The following CRYBG2 variants were observed in gnomAD, a reference collection of about 807,000 sequenced individuals.
The protein encoded by CRYBG2 is crystallin beta-gamma domain containing 2, also known as beta/gamma crystallin domain-containing protein 2.
Under a neutral mutation model 153.4 loss-of-function variants are expected in CRYBG2, and 106 were observed. That is an observed-to-expected ratio of 0.69 (90% CI 0.59 to 0.81). CRYBG2 has a LOEUF of 0.81. CRYBG2 is among the 30% of genes least tolerant of loss of function. CRYBG2 has a pLI of 0.00. For missense variants in CRYBG2, 1,996 were observed against 2,112.0 expected, an observed-to-expected ratio of 0.95 and a Z score of 1.08; for synonymous variants, 851 against 877.8, an observed-to-expected ratio of 0.97 and a Z score of 0.54.
chr1:26,328,371 A>G, intron 16 of CRYBG2, 39 bp from the exon 17 acceptor site: 1 of 1,551,954 alleles, frequency 6.4e-7, no homozygotes, highest in South Asian at 1.2e-5. Context: ...AGAAGAGCAC[A>G]GACACACAGA....
intron 1 of CRYBG2, among the ~76,000 whole-genome samples, chr1:26,353,787 C>T (rs2074309778): frequency 6.6e-6 from 1 of 152,128 alleles, no homozygotes; most frequent in Non-Finnish European, 1.5e-5. Flanking sequence ...CCCTTCCTGC[C>T]CATCCTCTCC....
chr1:26,350,856 G>A (rs571995928), intron 1 of CRYBG2, among the ~76,000 whole-genome samples: 3 of 152,184 alleles, frequency 2.0e-5, no homozygotes, highest in Admixed American at 2.0e-4. Context: ...ACTCTGGGCA[G>A]GAAATGGACC....
chr1:26,336,763 G>T lies in CRYBG2; in HGVS notation c.3912-31C>A, dbSNP rs1352192930. 10 of 1,573,410 alleles carry T rather than the reference G, an allele frequency of 6.4e-6. No individual in the cohort carries two copies. The Admixed American group carries it at 1.8e-4, about 29-fold the overall frequency. ...GGAAGGGCGGGGCGCGAGTCAGCTGGGACGGAGCCTGCACCTCTCCTGGAA... is the reference window on the plus strand; with the variant it reads ...GGAAGGGCGGGGCGCGAGTCAGCTGTGACGGAGCCTGCACCTCTCCTGGAA... On this transcript the variant is annotated intron_variant, in intron 11 of 19. Transcript: ENST00000308182. This position sits in a 1 kb window ranked among gnomAD's most constrained non-coding sequence, Gnocchi z 4.9.
intron 6 of CRYBG2, 72 bp downstream of exon 6, chr1:26,339,218 G>C (rs1416611586): frequency 1.9e-6 from 3 of 1,542,220 alleles, no homozygotes; most frequent in Admixed American, 1.9e-5. Flanking sequence ...ACTGTGTTCT[G>C]TCACCTCTGT....
Position 26,345,873 on chromosome 1 carries a change from C to T in CRYBG2, c.785G>A (p.Arg262Lys), listed in dbSNP as rs6678347. The T allele has an allele frequency of 1.9e-3, 3,074 of 1,597,002 alleles. 48 individuals are homozygous for T. The African/African-American group carries it at 0.033, about 17-fold the overall frequency. ...HLPRPTAGGP[R>K]STGLGSTVGA... The stretch of plus-strand genomic sequence containing the variant: ...CACTGTGCTGCCCAGACCTGTGCTC[C>T]TTGGCCCGCCAGCCGTGGGCCTGGG... Residue 262 changes from arginine to lysine, a missense_variant, in exon 2 of 20, where the codon AGG becomes AAG. Coordinates refer to ENST00000308182, the MANE Select transcript of CRYBG2 (RefSeq NM_001039775.4).
At chr1:26,329,776 C>T (rs1286171591) in intron 15 of CRYBG2, among the ~76,000 whole-genome samples, 3 of 152,042 alleles carry the variant, frequency 2.0e-5, no homozygotes, top group African/African-American at 7.2e-5. Flanking sequence ...GATGGAGTCT[C>T]ACTCTGTCAC....
rs2074100679 is a variant in CRYBG2 at position 26,339,349 on chromosome 1, C to A, written c.3285G>T (p.Lys1095Asn). Reference sequence around the variant, plus strand: ...GGGGCTTCTCCAGACCCTGGGAATTCTTCAAGGCCTCTGTTAGCTTCACTT... The same window carrying A: ...GGGGCTTCTCCAGACCCTGGGAATTATTCAAGGCCTCTGTTAGCTTCACTT... Reference protein sequence around the residue: ...GEQVKLTEALKNSQGLEKPLQ... With the variant: ...GEQVKLTEALNNSQGLEKPLQ... Residue 1095 changes from lysine to asparagine, a missense_variant, in exon 6 of 20, where the codon AAG becomes AAT. Coordinates refer to ENST00000308182, the MANE Select transcript of CRYBG2 (RefSeq NM_001039775.4). 1 of 1,614,116 alleles carries A rather than the reference C, an allele frequency of 6.2e-7. No homozygotes were observed. Among genetic ancestry groups the A allele is most frequent in the Non-Finnish European group, 8.5e-7 (1 of 1,180,048 alleles).
In CRYBG2 at chr1:26,343,265, A is replaced by G. The variant is rs2124711301; in HGVS notation, c.2942T>C (p.Leu981Pro). 1.3e-6 allele frequency: 2 copies of G among 1,548,412 alleles called. No homozygotes were observed. The highest frequency in any genetic ancestry group is 2.4e-5 in the South Asian group (2 of 84,010). Reference sequence around the variant, plus strand: ...CCCTACCTTTCCAGGCCTGGTGTTCAGCTTGCCCTGGGTCTTTAAGGCTGG... The same window carrying G: ...CCCTACCTTTCCAGGCCTGGTGTTCGGCTTGCCCTGGGTCTTTAAGGCTGG... ...WSPALKTQGK[L>P]NTRPGKVIFF... The change falls in exon 3 of 20, where the codon CTG becomes CCG. Residue 981 changes from leucine (L) to proline (P), a missense_variant. By Grantham distance (98) the Leu-to-Pro change is moderately conservative. Coordinates refer to ENST00000308182, the MANE Select transcript of CRYBG2 (RefSeq NM_001039775.4). The surrounding 1 kb of genome is among the most constrained non-coding windows in gnomAD (Gnocchi z 4.1).
At chr1:26,331,737 G>A in intron 14 of CRYBG2, 119 bp from the exon 15 acceptor site, 14 of 1,362,282 alleles carry the variant, frequency 1.0e-5, no homozygotes, top group Non-Finnish European at 2.0e-6. Context: ...CCCAGGGGAG[G>A]TGGGATGAAC....
intron 14 of CRYBG2, among the ~76,000 whole-genome samples, chr1:26,332,306 CA>C (rs567865951): frequency 2.0e-3 from 144 of 71,436 alleles, no homozygotes; most frequent in Middle Eastern, 0.018. Flanking sequence ...GACTCCGTGT[CA>C]AAAAAAAAAA....
intron 1 of CRYBG2, among the ~76,000 whole-genome samples, chr1:26,349,774 G>A (rs1448196028): frequency 6.7e-6 from 1 of 148,310 alleles, no homozygotes; most frequent in East Asian, 2.0e-4. Context: ...ATGGTTTAAT[G>A]GATTAATGAG....
chr1:26,341,385 C>G (rs982166406), intron 5 of CRYBG2, among the ~76,000 whole-genome samples: 3 of 152,044 alleles, frequency 2.0e-5, no homozygotes, highest in African/African-American at 7.2e-5. Flanking sequence ...ACCAAAATGC[C>G]TGATAGACAC....
intron 1 of CRYBG2, 136 bp downstream of exon 1, chr1:26,353,900 A>T (rs1312914715): frequency 1.5e-5 from 6 of 398,370 alleles, no homozygotes; most frequent in Non-Finnish European, 2.7e-5. Flanking sequence ...GCAGGGTTGG[A>T]GCAGGGAGGG....
In CRYBG2 at chr1:26,346,645, C is replaced by G. The variant is rs1225319104; in HGVS notation, c.13G>C (p.Gly5Arg). MEEA[G>R]GPMARAKARV... ...GCCTTGGCCCGGGCCATGGGCCCAC[C>G]TGCCTCCTCCATGTGGGGCCCTGGC... Residue 5 changes from glycine (G) to arginine (R), a missense_variant, in exon 2 of 20, where the codon GGT (glycine) becomes CGT (arginine). Physicochemically the swap from Gly to Arg is moderately radical, Grantham distance 125 (BLOSUM62 -2). Transcript: ENST00000308182. This position sits in a 1 kb window ranked among gnomAD's most constrained non-coding sequence, Gnocchi z 4.9. 6.5e-7 allele frequency: 1 copy of G among 1,543,072 alleles called. No individual in the cohort carries two copies. Among genetic ancestry groups the G allele is most frequent in the Non-Finnish European group, 8.8e-7 (1 of 1,141,994 alleles).
At chr1:26,332,784 GC>G (rs760053093) in intron 14 of CRYBG2, among the ~76,000 whole-genome samples, 6 of 151,758 alleles carry the variant, frequency 4.0e-5, no homozygotes, top group Non-Finnish European at 7.4e-5. Flanking sequence ...GGGATTACAG[GC>G]ATGAGCCACT....
Position 26,343,823 on chromosome 1 carries a change from T to A in CRYBG2, c.2835A>T (p.Pro945=), listed in dbSNP as rs2074163692. 1 of 1,465,904 alleles carries A rather than the reference T, an allele frequency of 6.8e-7. No homozygotes were observed. Among genetic ancestry groups the A allele is most frequent in the Admixed American group, 2.7e-5 (1 of 37,582 alleles). The allele number at this position is 1,465,904 out of a possible 1,614,324, so 90.8% of individuals were successfully genotyped here. A position where few individuals can be genotyped will look rare whatever the true frequency, so the allele number is the denominator to read the frequency against. ...PHGAPGLRKV[P]GQLPLLCSER... ...CACTGCAAAGCAGGGGCAACTGTCCTGGCACCTTCCTGAGCCCCGGTGCCC... is the reference window on the plus strand; with the variant it reads ...CACTGCAAAGCAGGGGCAACTGTCCAGGCACCTTCCTGAGCCCCGGTGCCC... The change falls in exon 2 of 20, where the codon CCA becomes CCT. Residue 945 remains proline (P), a synonymous_variant. Coordinates refer to ENST00000308182, the MANE Select transcript of CRYBG2 (RefSeq NM_001039775.4). This position sits in a 1 kb window ranked among gnomAD's most constrained non-coding sequence, Gnocchi z 4.1.
At position 26,336,378 on chromosome 1, in the gene CRYBG2, T is replaced by A; in HGVS notation, c.4039-8A>T. 2 of 1,613,056 alleles carry A rather than the reference T, an allele frequency of 1.2e-6. No homozygotes were observed. Among genetic ancestry groups the A allele is most frequent in the Non-Finnish European group, 1.7e-6 (2 of 1,179,530 alleles). On this transcript the variant is annotated splice_polypyrimidine_tract_variant and splice_region_variant and intron_variant, in intron 12 of 19. Transcript: ENST00000308182. This position sits in a 1 kb window ranked among gnomAD's most constrained non-coding sequence, Gnocchi z 4.9. Reference sequence around the variant, plus strand: ...CAGATCGTGCTCCCCGACCTGAAGGTAGGGACCGAATCGAGAATTAGGGAG... The same window carrying A: ...CAGATCGTGCTCCCCGACCTGAAGGAAGGGACCGAATCGAGAATTAGGGAG...
In CRYBG2 at chr1:26,345,750, G is replaced by A. The variant is rs908738711; in HGVS notation, c.908C>T (p.Pro303Leu). ...GGCTGCAGGGGCATCCTGATTCTTA[G>A]GCAGGTGAGCACTGGCTGGGATGCC... ...STGIPASAHL[P>L]KNQDAPAACP... Residue 303 changes from proline to leucine, a missense_variant, in exon 2 of 20, where the codon CCT becomes CTT. Pro to Leu is a moderately conservative substitution (Grantham distance 98). Transcript: ENST00000308182. 1.3e-6 allele frequency: 2 copies of A among 1,597,436 alleles called. No individual in the cohort carries two copies. The highest frequency in any genetic ancestry group is 2.7e-5 in the African/African-American group (2 of 75,020).
intron 1 of CRYBG2, among the ~76,000 whole-genome samples, chr1:26,353,622 C>T (rs910198837): frequency 2.6e-5 from 4 of 152,178 alleles, no homozygotes; most frequent in African/African-American, 9.7e-5. Context: ...TCCTCATTTT[C>T]AGCTACCAAA....
Sources: allele counts gnomAD v4.1 joint callset (sites outside exome capture counted in the v4.1 genomes callset), GRCh38; gene constraint gnomAD v4.1.1; non-coding constraint Gnocchi (gnomAD v3.1); transcripts MANE v1.5; gene names NCBI Gene and HGNC (gene_info 2026-07-23, HGNC 2026-07-21).